The following SFRP1 variants were observed in gnomAD, a reference collection of about 807,000 sequenced individuals.
SFRP1 encodes the protein secreted frizzled-related protein 1.
SFRP1 carries 9 observed loss-of-function variants against 25.9 expected under a neutral mutation model. That is an observed-to-expected ratio of 0.35 (90% CI 0.21 to 0.61). The LOEUF is 0.61. SFRP1 is among the 20% of genes least tolerant of loss of function. The pLI, the probability that SFRP1 is intolerant of heterozygous loss-of-function variation, is 0.78. For synonymous variants in SFRP1, 178 were observed against 174.0 expected (o/e 1.02, Z -0.18); for missense variants, 346 against 418.2 (o/e 0.83, Z 1.51).
At chr8:41,293,428 T>C (rs1449337275) in intron 2 of SFRP1, among the ~76,000 whole-genome samples, 1 of 152,152 alleles carries the variant, frequency 6.6e-6, no homozygotes, top group African/African-American at 2.4e-5. Context: ...CAAACCAACA[T>C]TCTCCTCTGT....
intron 2 of SFRP1, among the ~76,000 whole-genome samples, chr8:41,297,766 T>C (rs558259439): frequency 3.5e-4 from 54 of 152,230 alleles, no homozygotes; most frequent in Non-Finnish European, 4.7e-4. Context: ...CTTTCCATTC[T>C]GCTACACTGC....
At chr8:41,295,218 A>T (rs555487471) in intron 2 of SFRP1, among the ~76,000 whole-genome samples, 1 of 152,192 alleles carries the variant, frequency 6.6e-6, no homozygotes, top group African/African-American at 2.4e-5. Flanking sequence ...AAAATTAGCC[A>T]GGCATGGTGG....
rs750360179 is a variant in SFRP1, at chr8:41,265,244, T to C, written c.868A>G (p.Lys290Glu). ...ATGAAGTTTTTGAACTCCTTGTTTT[T>C]CTTGTCCCACTTGTGGATGGCCGTC... ...LLTAIHKWDK[K>E]NKEFKNFMKK... Residue 290 changes from lysine to glutamate, a missense_variant, in exon 3 of 3, where the codon AAA becomes GAA. Coordinates refer to ENST00000220772, the MANE Select transcript of SFRP1 (RefSeq NM_003012.5). 9 of 1,614,200 alleles carry C rather than the reference T, an allele frequency of 5.6e-6. No individual in the cohort carries two copies. The highest frequency in any genetic ancestry group is 5.9e-6 in the Non-Finnish European group (7 of 1,180,030).
chr8:41,290,444 CA>C (rs1803761463), intron 2 of SFRP1, among the ~76,000 whole-genome samples: 1 of 152,206 alleles, frequency 6.6e-6, no homozygotes, highest in Non-Finnish European at 1.5e-5. Flanking sequence ...TGGTCAATAA[CA>C]AAGTCTGGAG....
chr8:41,293,926 C>CTTTT (rs576425485), intron 2 of SFRP1, among the ~76,000 whole-genome samples: 1 of 139,284 alleles, frequency 7.2e-6, no homozygotes, highest in African/African-American at 2.6e-5. Flanking sequence ...TATCTGGCTA[C>CTTTT]TTTTTTTTTT....
chr8:41,292,974 T>C (rs980735576), intron 2 of SFRP1, among the ~76,000 whole-genome samples: 2 of 152,218 alleles, frequency 1.3e-5, no homozygotes, highest in Non-Finnish European at 1.5e-5. Flanking sequence ...TCGAGACTCC[T>C]TCTAGCCAGC....
chr8:41,308,688 C>A lies in SFRP1; in HGVS notation c.472G>T (p.Asp158Tyr), dbSNP rs1191173756. The A allele has an allele frequency of 6.2e-7, 1 of 1,611,192 alleles. No individual in the cohort carries two copies. Among genetic ancestry groups the A allele is most frequent in the Non-Finnish European group, 8.5e-7 (1 of 1,178,600 alleles). Residue 158 changes from aspartate (D) to tyrosine (Y), a missense_variant, in exon 1 of 3, where the codon GAC (aspartate) becomes TAC (tyrosine). Transcript: ENST00000220772. The part of the protein sequence containing the change: ...GFYWPEMLKC[D>Y]KFPEGDVCIA... ...CAGACGTCCCCCTCGGGGAACTTGT[C>A]ACACTTAAGCATCTCGGGCCAGTAG... is the stretch of plus-strand genomic sequence containing the variant.
intron 2 of SFRP1, among the ~76,000 whole-genome samples, chr8:41,296,046 C>T (rs150215079): frequency 2.6e-5 from 4 of 152,356 alleles, no homozygotes; most frequent in Non-Finnish European, 2.9e-5. Context: ...GGGAGGCTCA[C>T]GCTACAGGGG....
intron 1 of SFRP1, among the ~76,000 whole-genome samples, chr8:41,306,371 C>T (rs1373999560): frequency 6.6e-6 from 1 of 152,146 alleles, no homozygotes; most frequent in African/African-American, 2.4e-5. Flanking sequence ...AAGAGTAGTG[C>T]ATGCATACTT....
chr8:41,290,558 C>T (rs571879875), intron 2 of SFRP1, among the ~76,000 whole-genome samples: 1 of 152,316 alleles, frequency 6.6e-6, no homozygotes, highest in African/African-American at 2.4e-5. Flanking sequence ...GCTCTGGCTC[C>T]CGCTCTGCAC....
At chr8:41,282,160 G>A (rs531151416) in intron 2 of SFRP1, among the ~76,000 whole-genome samples, 2 of 152,292 alleles carry the variant, frequency 1.3e-5, no homozygotes, top group East Asian at 1.9e-4. Context: ...GCATGGCAAA[G>A]GGCCTCTCAC....
At chr8:41,302,986 G>A (rs1399561158) in intron 2 of SFRP1, among the ~76,000 whole-genome samples, 1 of 150,748 alleles carries the variant, frequency 6.6e-6, no homozygotes, top group Non-Finnish European at 1.5e-5. Context: ...CCCTCCCTGG[G>A]AAGGCACCCA....
At chr8:41,280,049 T>C (rs1585510125) in intron 2 of SFRP1, among the ~76,000 whole-genome samples, 1 of 152,280 alleles carries the variant, frequency 6.6e-6, no homozygotes, top group Non-Finnish European at 1.5e-5. Flanking sequence ...ACTCCGGCCC[T>C]TGGCGGGCAC....
chr8:41,295,185 A>AC (rs1803828065), intron 2 of SFRP1, among the ~76,000 whole-genome samples: 1 of 152,166 alleles, frequency 6.6e-6, no homozygotes, highest in South Asian at 2.1e-4. Flanking sequence ...ACATGGTGAA[A>AC]CCCCATCTCT....
At chr8:41,297,857 C>T (rs1803863819) in intron 2 of SFRP1, among the ~76,000 whole-genome samples, 1 of 151,966 alleles carries the variant, frequency 6.6e-6, no homozygotes, top group Non-Finnish European at 1.5e-5. Flanking sequence ...CATTTAAATT[C>T]TACAAACCCT....
intron 2 of SFRP1, among the ~76,000 whole-genome samples, chr8:41,270,433 G>A (rs1803489790): frequency 6.6e-6 from 1 of 152,144 alleles, no homozygotes; most frequent in Non-Finnish European, 1.5e-5. Flanking sequence ...AGATAGGGAT[G>A]CCAGTAAAGT....
rs770818213 is a variant in SFRP1, at chr8:41,262,004, G to A, written c.*3163C>T. ...TTTAGTCAAGTGAATATTGATACAT[G>A]GCTGAAAAAGCATGAAAATAAAATG... is the stretch of plus-strand genomic sequence containing the variant. On this transcript the variant is annotated 3_prime_UTR_variant, in exon 3 of 3. Coordinates refer to ENST00000220772, the MANE Select transcript of SFRP1 (RefSeq NM_003012.5). 1.7e-4 allele frequency: 26 copies of A among 152,170 alleles called. No individual in the cohort carries two copies. The highest frequency in any genetic ancestry group is 1.6e-3 in the Admixed American group (24 of 15,264). 9.4% of individuals were successfully genotyped at this position (152,170 alleles called of 1,614,324 possible). A position where few individuals can be genotyped will look rare whatever the true frequency, so the allele number is the denominator to read the frequency against.
At chr8:41,283,858 C>T (rs777550980) in intron 2 of SFRP1, among the ~76,000 whole-genome samples, 31 of 152,106 alleles carry the variant, frequency 2.0e-4, no homozygotes, top group Non-Finnish European at 3.7e-4. Context: ...CCACCACGCC[C>T]GGCCAAACTC....
At chr8:41,272,681 C>T (rs1313788442) in intron 2 of SFRP1, among the ~76,000 whole-genome samples, 4 of 151,780 alleles carry the variant, frequency 2.6e-5, no homozygotes, top group Non-Finnish European at 4.4e-5. Context: ...AAAAGATGAA[C>T]AAAATGACAA....
Sources: gnomAD v4.1 joint callset for allele counts (sites outside exome capture counted in the v4.1 genomes callset) on GRCh38, gnomAD v4.1.1 for gene constraint, MANE v1.5 for transcripts, NCBI Gene and HGNC (gene_info 2026-07-23, HGNC 2026-07-21) for gene names.